SRC: variants seen among roughly 807,000 people sequenced by gnomAD.
SRC encodes proto-oncogene tyrosine-protein kinase Src.
A neutral mutation model predicts 62.9 loss-of-function variants in SRC; 13 were observed. The ratio of observed to expected loss-of-function variants is 0.21; its 90% confidence interval spans 0.13 to 0.33. The LOEUF is 0.33. Among genes scored for constraint, SRC ranks in the 10% least tolerant of loss-of-function variants. The pLI, the probability that SRC is intolerant of heterozygous loss-of-function variation, is 1.00. For synonymous variants in SRC, 302 were observed against 317.5 expected (o/e 0.95, Z 0.52); for missense variants, 457 against 737.3 (o/e 0.62, Z 4.40).
chr20:37,346,050 C>G (rs1187150321), upstream of SRC: 1 of 154,042 alleles, frequency 6.5e-6, no homozygotes, highest in East Asian at 1.9e-4. Flanking sequence ...CGCGCGCTCC[C>G]TCCCTCCTCT....
intron 1 of SRC, among the ~76,000 whole-genome samples, chr20:37,359,581 C>G (rs1185941019): frequency 6.6e-6 from 1 of 152,082 alleles, no homozygotes; most frequent in Non-Finnish European, 1.5e-5. Context: ...GTGGGGAGAC[C>G]CCGAGGCAGG....
chr20:37,384,666 CAAGA>C lies in SRC; in HGVS notation c.250+265_250+268del, dbSNP rs762044113. Among the ~76,000 whole-genome samples the C allele has an allele frequency of 1, 151,856 of 151,884 alleles. 75,914 individuals carry two copies. The highest frequency in any genetic ancestry group is 1 in the Middle Eastern group (288 of 288). Reference sequence around the variant, plus strand: ...TGGGTTCTAATTGGACGCTTAAGCCCAAGAAGAAGAAGGGCGGCGCGGGACCGGG... The same window carrying C: ...TGGGTTCTAATTGGACGCTTAAGCCCAGAAGAAGGGCGGCGCGGGACCGGG... On this transcript the variant is annotated intron_variant, in intron 4 of 13. Transcript: ENST00000373578. This position sits in a 1 kb window ranked among gnomAD's most constrained non-coding sequence, Gnocchi z 6.7.
At chr20:37,385,930 C>T in intron 4 of SRC, 145 bp from the exon 5 acceptor site, 1 of 694,250 alleles carries the variant, frequency 1.4e-6, no homozygotes, top group Non-Finnish European at 2.6e-6. Context: ...TGCACAGGCC[C>T]ATCTTCACTG....
intron 4 of SRC, 148 bp from the exon 5 acceptor site, chr20:37,385,927 G>T: frequency 1.4e-6 from 1 of 690,110 alleles, no homozygotes. Context: ...ACGTGCACAG[G>T]CCCATCTTCA....
At chr20:37,347,783 G>A (rs2069744639) in intron 1 of SRC, among the ~76,000 whole-genome samples, 2 of 152,124 alleles carry the variant, frequency 1.3e-5, no homozygotes, top group Non-Finnish European at 2.9e-5. Context: ...GGGAAACTGA[G>A]GCTAAGAGAG....
At chr20:37,386,513 G>A (rs1256709039) in intron 5 of SRC, 2 of 711,408 alleles carry the variant, frequency 2.8e-6, no homozygotes, top group Admixed American at 2.0e-5. Context: ...GGCTGGGCGG[G>A]GTGCTTCGCG....
intron 2 of SRC, among the ~76,000 whole-genome samples, chr20:37,370,906 G>T (rs1438484428): frequency 6.6e-6 from 1 of 151,820 alleles, no homozygotes; most frequent in Non-Finnish European, 1.5e-5. Context: ...TCTGTGAGAA[G>T]ATTTAAAATT....
At position 37,402,800 on chromosome 20, in the gene SRC, G is replaced by A. The variant is rs772053084; in HGVS notation, c.1322G>A (p.Arg441His). 8 of 1,613,824 alleles carry A rather than the reference G, an allele frequency of 5.0e-6. No individual in the cohort carries two copies. Among genetic ancestry groups the A allele is most frequent in the African/African-American group, 1.3e-5 (1 of 74,880 alleles). ...WTAPEAALYG[R>H]FTIKSDVWSF... ...GCTCCAGAAGCTGCCCTCTATGGCC[G>A]CTTCACCATCAAGTCGGACGTGTGG... The change falls in exon 13 of 14, where the codon CGC (arginine) becomes CAC (histidine). Residue 441 changes from arginine (R) to histidine (H), a missense_variant. Coordinates refer to ENST00000373578, the MANE Select transcript of SRC (RefSeq NM_198291.3). The surrounding 1 kb of genome is among the most constrained non-coding windows in gnomAD (Gnocchi z 6.2).
At chr20:37,393,800 A>G (rs2070592236) in intron 5 of SRC, 95 bp from the exon 6 acceptor site, 1 of 912,102 alleles carries the variant, frequency 1.1e-6, no homozygotes, top group Admixed American at 2.1e-5. Flanking sequence ...CTCAGCCACT[A>G]GAGCCCTGAG....
intron 1 of SRC, among the ~76,000 whole-genome samples, chr20:37,353,548 C>G (rs1176009549): frequency 1.3e-5 from 2 of 152,150 alleles, no homozygotes; most frequent in South Asian, 4.1e-4. Context: ...TCCCTTCAGC[C>G]AGCGTTCATT....
At chr20:37,386,234 G>A in intron 5 of SRC, 60 bp downstream of exon 5, 1 of 1,494,776 alleles carries the variant, frequency 6.7e-7, no homozygotes, top group Non-Finnish European at 9.3e-7. Context: ...AAAGCGGGCA[G>A]GGGCTCATGC....
chr20:37,397,713 C>T lies in SRC; in HGVS notation c.718C>T (p.Leu240=). ...CTCCTCCTCAGAACACGCCGATGGC[C>T]TGTGCCACCGCCTCACCACCGTGTG... ...VAYYSKHADG[L]CHRLTTVCPT... Residue 240 remains leucine (L), a synonymous_variant, in exon 9 of 14, where the codon CTG becomes TTG. Transcript: ENST00000373578. The surrounding 1 kb of genome is among the most constrained non-coding windows in gnomAD (Gnocchi z 4.1). The T allele has an allele frequency of 6.3e-7, 1 of 1,590,842 alleles. No individual in the cohort carries two copies. The highest frequency in any genetic ancestry group is 1.1e-5 in the South Asian group (1 of 87,764).
At chr20:37,401,928 T>C (rs1309473222) in intron 11 of SRC, 1 of 448,040 alleles carries the variant, frequency 2.2e-6, no homozygotes, top group Non-Finnish European at 3.9e-6. Flanking sequence ...CGGGCCTCAG[T>C]TGTCGTCTCT....
intron 1 of SRC, among the ~76,000 whole-genome samples, chr20:37,358,934 G>C (rs999365845): frequency 6.6e-6 from 1 of 152,266 alleles, no homozygotes; most frequent in African/African-American, 2.4e-5. Context: ...GCATGTCCTG[G>C]CTGCCCTGGC....
rs2070664570 is a variant in SRC at position 37,397,035 on chromosome 20, T to G, written c.704-664T>G. Among the ~76,000 whole-genome samples, 1 of 152,122 alleles carries G rather than the reference T, an allele frequency of 6.6e-6. No homozygotes were observed. The highest frequency in any genetic ancestry group is 2.4e-5 in the African/African-American group (1 of 41,408). ...TCATTCTGAACCCCTTTCCCTCAGA[T>G]CAGAACTCTCCAGGGGCTGTCTTGG... On this transcript the variant is annotated intron_variant, in intron 8 of 13. Coordinates refer to ENST00000373578, the MANE Select transcript of SRC (RefSeq NM_198291.3). This position sits in a 1 kb window ranked among gnomAD's most constrained non-coding sequence, Gnocchi z 4.1.
chr20:37,395,472 A>G (rs1257872608), intron 7 of SRC, among the ~76,000 whole-genome samples: 1 of 152,192 alleles, frequency 6.6e-6, no homozygotes, highest in Admixed American at 6.5e-5. Flanking sequence ...GGCCTGCTGG[A>G]TGGGAGGAAA....
At chr20:37,385,392 T>C (rs895839177) in intron 4 of SRC, among the ~76,000 whole-genome samples, 17 of 152,256 alleles carry the variant, frequency 1.1e-4, no homozygotes, top group African/African-American at 4.1e-4. Flanking sequence ...AGGGCTCCTC[T>C]GCTGCCCGGG....
rs2070595766 is a variant in SRC at position 37,393,984 on chromosome 20, A to T, written c.440A>T (p.Gln147Leu). The T allele has an allele frequency of 1.2e-6, 2 of 1,613,904 alleles. No homozygotes were observed. The highest frequency in any genetic ancestry group is 2.7e-5 in the African/African-American group (2 of 75,050). Reference sequence around the variant, plus strand: ...TACGTGGCGCCCTCCGACTCCATCCAGGCTGAGGAGTGAGTACCGTCTCTG... The same window carrying T: ...TACGTGGCGCCCTCCGACTCCATCCTGGCTGAGGAGTGAGTACCGTCTCTG... ...SNYVAPSDSIQAEEWYFGKIT... is the reference protein window; with the variant it reads ...SNYVAPSDSILAEEWYFGKIT... The change falls in exon 6 of 14, where the codon CAG becomes CTG. Residue 147 changes from glutamine to leucine, a missense_variant. Gln to Leu is a moderately radical substitution (Grantham distance 113). Coordinates refer to ENST00000373578, the MANE Select transcript of SRC (RefSeq NM_198291.3).
Position 37,384,473 on chromosome 20 carries a change from C to T in SRC, c.250+70C>T. 1.3e-5 allele frequency: 17 copies of T among 1,279,140 alleles called. No homozygotes were observed. The highest frequency in any genetic ancestry group is 1.7e-5 in the Non-Finnish European group (17 of 1,018,692). 79.2% of individuals were successfully genotyped at this position (1,279,140 alleles called of 1,614,324 possible). On this transcript the variant is annotated intron_variant, in intron 4 of 13. Transcript: ENST00000373578. The surrounding 1 kb of genome is among the most constrained non-coding windows in gnomAD (Gnocchi z 6.7). ...GGCGGGGAGGCGGCGGGGCTGTGTG[C>T]CCGGGGTCGCCCCCTCTGCGCAGGC... is the stretch of plus-strand genomic sequence containing the variant.
Sources: allele counts gnomAD v4.1 joint callset (sites outside exome capture counted in the v4.1 genomes callset), GRCh38; gene constraint gnomAD v4.1.1; non-coding constraint Gnocchi (gnomAD v3.1); transcripts MANE v1.5; gene names NCBI Gene and HGNC (gene_info 2026-07-23, HGNC 2026-07-21).